Variants in SPATA6L observed in about 807,000 individuals in gnomAD.
SPATA6L encodes spermatogenesis associated 6 like.
Under a neutral mutation model 49.2 loss-of-function variants are expected in SPATA6L, and 68 were observed. The observed-to-expected ratio is 1.38, with a 90% CI of 1.14 to 1.69. The LOEUF (loss-of-function observed/expected upper bound fraction) is 1.69. Ranked by LOEUF, SPATA6L falls within the 40% of genes most tolerant of loss-of-function variation. The pLI, the probability that SPATA6L is intolerant of heterozygous loss-of-function variation, is 0.00. For synonymous variants in SPATA6L, 198 were observed against 165.7 expected (o/e 1.19, Z -1.50); for missense variants, 668 against 464.3 (o/e 1.44, Z -4.03).
At chr9:4,606,117 G>C (rs1485929046) in intron 9 of SPATA6L, among the ~76,000 whole-genome samples, 3 of 151,948 alleles carry the variant, frequency 2.0e-5, no homozygotes, top group Non-Finnish European at 2.9e-5. Context: ...CTTAAAAAAT[G>C]GCGCACCACC....
At chr9:4,663,025 G>T (rs1587576073) in intron 1 of SPATA6L, 2 of 1,613,658 alleles carry the variant, frequency 1.2e-6, no homozygotes, top group Non-Finnish European at 1.7e-6. Flanking sequence ...CATGCCACAA[G>T]GGCCGCCCTG....
At chr9:4,642,323 G>A (rs1834205673) in intron 3 of SPATA6L, among the ~76,000 whole-genome samples, 1 of 152,084 alleles carries the variant, frequency 6.6e-6, no homozygotes, top group Admixed American at 6.6e-5. Context: ...AAAAACTTAT[G>A]GAAAAAAACT....
At chr9:4,650,276 A>G (rs1170377265) in intron 3 of SPATA6L, among the ~76,000 whole-genome samples, 1 of 152,118 alleles carries the variant, frequency 6.6e-6, no homozygotes, top group Non-Finnish European at 1.5e-5. Flanking sequence ...TCCTTTCTCT[A>G]TATTCTGCTA....
intron 3 of SPATA6L, among the ~76,000 whole-genome samples, chr9:4,638,009 T>G (rs1833149402): frequency 6.6e-6 from 1 of 152,196 alleles, no homozygotes; most frequent in Admixed American, 6.5e-5. Flanking sequence ...ACCTCCTATG[T>G]AGTAAGACTT....
chr9:4,650,827 TG>T (rs1564302697), intron 3 of SPATA6L, among the ~76,000 whole-genome samples: 16 of 3,280 alleles, frequency 4.9e-3, no homozygotes, highest in Admixed American at 9.2e-3. Flanking sequence ...ACCCAGCTTG[TG>T]TGTGTGTGTG....
At chr9:4,629,794 T>TATATATATATATATATATATATATAC (rs1448249817) in intron 4 of SPATA6L, among the ~76,000 whole-genome samples, 3 of 146,390 alleles carry the variant, frequency 2.0e-5, no homozygotes, top group African/African-American at 7.6e-5. Context: ...TATATATATA[T>TATATATATATATATATATATATATAC]ATATGCCCTA....
intron 9 of SPATA6L, among the ~76,000 whole-genome samples, chr9:4,608,847 G>T (rs981928180): frequency 1.2e-4 from 18 of 151,996 alleles, no homozygotes; most frequent in African/African-American, 3.9e-4. Flanking sequence ...AAAAATTAAT[G>T]AATCCAGGAT....
intron 6 of SPATA6L, among the ~76,000 whole-genome samples, chr9:4,623,580 T>C (rs1047746554): frequency 2.6e-5 from 4 of 152,148 alleles, no homozygotes; most frequent in African/African-American, 7.2e-5. Flanking sequence ...ATTTTAATGC[T>C]TCTACTTAAG....
chr9:4,644,999 T>C (rs1835033537), intron 3 of SPATA6L, among the ~76,000 whole-genome samples: 2 of 152,208 alleles, frequency 1.3e-5, no homozygotes, highest in South Asian at 4.1e-4. Context: ...CTGTCATTGT[T>C]CTGCAAAAGT....
At position 4,599,270 on chromosome 9, in the gene SPATA6L, T is replaced by G. The variant is rs1822680717; in HGVS notation, c.*1541A>C. 6.6e-6 allele frequency among the ~76,000 whole-genome samples: 1 copy of G among 152,220 alleles called. No homozygotes were observed. The highest frequency in any genetic ancestry group is 1.5e-5 in the Non-Finnish European group (1 of 68,038). ...ATTTTGGAGCATTTCAGATTTCAGA[T>G]TTTTAGATTGGGAGGTTCAACTTGG... On this transcript the variant is annotated 3_prime_UTR_variant, in exon 12 of 12. Coordinates refer to ENST00000682582, the MANE Select transcript of SPATA6L (RefSeq NM_001353486.2).
chr9:4,608,748 G>C (rs1205028970), intron 9 of SPATA6L, among the ~76,000 whole-genome samples: 1 of 151,528 alleles, frequency 6.6e-6, no homozygotes, highest in African/African-American at 2.4e-5. Context: ...AGAAAAGCAA[G>C]AGCAAACACA....
chr9:4,626,737 A>G (rs1220057590), intron 5 of SPATA6L: 2 of 356,988 alleles, frequency 5.6e-6, no homozygotes, highest in African/African-American at 4.3e-5. Context: ...GTGCTCAACA[A>G]AAGGAAAATG....
chr9:4,603,250 T>G (rs1198131700), intron 11 of SPATA6L, among the ~76,000 whole-genome samples: 3 of 152,058 alleles, frequency 2.0e-5, no homozygotes, highest in African/African-American at 7.2e-5. Context: ...ACCAACATGG[T>G]GAAACCCCAT....
At chr9:4,629,479 G>A (rs1831028848) in intron 4 of SPATA6L, among the ~76,000 whole-genome samples, 1 of 151,776 alleles carries the variant, frequency 6.6e-6, no homozygotes, top group Non-Finnish European at 1.5e-5. Flanking sequence ...AGTAATGAGG[G>A]CTATTAATTG....
chr9:4,635,167 C>T (rs1161635890), intron 4 of SPATA6L, 108 bp downstream of exon 4: 9 of 1,226,168 alleles, frequency 7.3e-6, no homozygotes, highest in South Asian at 2.1e-5. Flanking sequence ...CTAAACAGAA[C>T]AGCAGGGGTA....
rs756312150 is a variant in SPATA6L at position 4,618,119 on chromosome 9, C to T, written c.808-9G>A. On this transcript the variant is annotated splice_polypyrimidine_tract_variant and intron_variant, in intron 8 of 11. Coordinates refer to ENST00000682582, the MANE Select transcript of SPATA6L (RefSeq NM_001353486.2). ...TCTGGCTCTTTGATAACCTGAGTGA[C>T]AATATGCATTATTTAGTTGTAATTT... 1.3e-6 allele frequency: 2 copies of T among 1,589,284 alleles called. No homozygotes were observed. The highest frequency in any genetic ancestry group is 1.7e-6 in the Non-Finnish European group (2 of 1,164,870).
rs747675569 is a variant in SPATA6L at position 4,661,970 on chromosome 9, G to C, written c.106C>G (p.Gln36Glu). The change falls in exon 2 of 12, where the codon CAG (glutamine) becomes GAG (glutamate). Residue 36 changes from glutamine to glutamate, a missense_variant. Transcript: ENST00000682582. Reference protein sequence around the residue: ...DVYLGVYLMNQYLETNSFPSA... With the variant: ...DVYLGVYLMNEYLETNSFPSA... Reference sequence around the variant, plus strand: ...GGAAAGCTGTTGGTCTCCAGGTACTGATTCATGAGGTAGACCCCGAGGTAC... The same window carrying C: ...GGAAAGCTGTTGGTCTCCAGGTACTCATTCATGAGGTAGACCCCGAGGTAC... 69 of 1,613,974 alleles carry C rather than the reference G, an allele frequency of 4.3e-5. No individual in the cohort carries two copies. In the Middle Eastern group the frequency reaches 6.6e-4, roughly 15 times the overall value.
intron 10 of SPATA6L, 104 bp downstream of exon 10, chr9:4,605,243 T>A: frequency 1.2e-6 from 1 of 851,330 alleles, no homozygotes; most frequent in South Asian, 1.6e-5. Context: ...TTTCCACTTA[T>A]TTCTGTGGTT....
chr9:4,600,923 A>T (rs1823078051), intron 11 of SPATA6L, 114 bp from the exon 12 acceptor site: 1 of 152,246 alleles, frequency 6.6e-6, no homozygotes, highest in African/African-American at 2.4e-5. Flanking sequence ...GCATGTAGCT[A>T]TGCCTTGGGA....
Sources: gnomAD v4.1 joint callset for allele counts (sites outside exome capture counted in the v4.1 genomes callset) on GRCh38, gnomAD v4.1.1 for gene constraint, MANE v1.5 for transcripts, NCBI Gene and HGNC (gene_info 2026-07-23, HGNC 2026-07-21) for gene names.